The following PRKCZ variants were observed in gnomAD, a reference collection of about 807,000 sequenced individuals.
The protein encoded by PRKCZ is protein kinase C zeta type.
In PRKCZ, 33 loss-of-function variants were observed where a neutral mutation model predicts 79.5. The observed-to-expected ratio is 0.41, with a 90% CI of 0.31 to 0.55. The LOEUF (loss-of-function observed/expected upper bound fraction) is 0.55, where lower values mean the gene tolerates loss of function less well. Among genes scored for constraint, PRKCZ ranks in the 20% least tolerant of loss-of-function variants. PRKCZ has a pLI of 0.19. For missense variants in PRKCZ, 578 were observed against 813.5 expected (o/e 0.71, Z 3.52); for synonymous variants, 342 against 320.9 (o/e 1.07, Z -0.70).
rs548109459 is a variant in PRKCZ, at chr1:2,082,833, G to A, written c.334+23242G>A. Among the ~76,000 whole-genome samples, 2 of 152,030 alleles carry A rather than the reference G, an allele frequency of 1.3e-5. No homozygotes were observed. Among genetic ancestry groups the A allele is most frequent in the East Asian group, 3.9e-4 (2 of 5,154 alleles). ...ATGTAGTAGCAGGGAGAGGGTGGAG[G>A]GGCGGCCAAGGGCGTGAGGGAGAGG... On this transcript the variant is annotated intron_variant, in intron 4 of 17. Transcript: ENST00000378567. This position sits in a 1 kb window ranked among gnomAD's most constrained non-coding sequence, Gnocchi z 4.4.
At chr1:2,054,202 C>G (rs922482904) in intron 1 of PRKCZ, among the ~76,000 whole-genome samples, 1 of 152,216 alleles carries the variant, frequency 6.6e-6, no homozygotes, top group Non-Finnish European at 1.5e-5. Context: ...GAGCCTGTAT[C>G]TCTGGTTGGG....
intron 10 of PRKCZ, among the ~76,000 whole-genome samples, chr1:2,162,179 C>T (rs949212272): frequency 4.3e-4 from 66 of 152,042 alleles, no homozygotes; most frequent in African/African-American, 1.5e-3. Flanking sequence ...TCACCCAGGC[C>T]GGAGTGCAGT....
intron 1 of PRKCZ, among the ~76,000 whole-genome samples, chr1:2,053,313 C>A (rs181042816): frequency 1.6e-4 from 25 of 151,838 alleles, no homozygotes; most frequent in East Asian, 5.8e-4. Context: ...GTTGGCCAGG[C>A]TGGTCTCGAA....
rs145432271 is a variant in PRKCZ, at chr1:2,168,318, G to A, written c.975-1200G>A. 4.7e-4 allele frequency among the ~76,000 whole-genome samples: 71 copies of A among 152,274 alleles called. 1 individual carries two copies. The East Asian group carries it at 0.012, about 26-fold the overall frequency. ...AGCAGTGGACCAGCGAGTCCCCAAG[G>A]ACAAGGGCCAGGTTACCAGAGAATT... On this transcript the variant is annotated intron_variant, in intron 10 of 17. Transcript: ENST00000378567. This position sits in a 1 kb window ranked among gnomAD's most constrained non-coding sequence, Gnocchi z 4.7.
intron 4 of PRKCZ, among the ~76,000 whole-genome samples, chr1:2,089,059 A>T (rs1404521384): frequency 6.6e-6 from 1 of 152,256 alleles, no homozygotes; most frequent in Non-Finnish European, 1.5e-5. Flanking sequence ...TCATCAGCTA[A>T]TAATAGCAGT....
rs1382172183 is a variant in PRKCZ, at chr1:2,050,697, G to T, written c.67G>T (p.Gly23Trp). The T allele has an allele frequency of 4.9e-6, 6 of 1,224,382 alleles. No homozygotes were observed. The highest frequency in any genetic ancestry group is 8.2e-5 in the South Asian group (2 of 24,258). The allele number at this position is 1,224,382 out of a possible 1,614,324, so 75.8% of individuals were successfully genotyped here. Reference protein sequence around the residue: ...GGRVRLKAHYGGDIFITSVDA... With the variant: ...GGRVRLKAHYWGDIFITSVDA... ...CCGCGTCCGCCTCAAGGCGCATTAC[G>T]GGGGGTGAGCGGCGGAGAGGGCGGG... The change falls in exon 1 of 18, where the codon GGG (glycine) becomes TGG (tryptophan). Residue 23 changes from glycine to tryptophan, a missense_variant. Around this residue, in one of 4 missense-constraint regions of PRKCZ, gnomAD observed 228 missense variants for 211.6 expected, o/e 1.08. Transcript: ENST00000378567.
At chr1:2,150,018 TG>T (rs1181683655) in intron 8 of PRKCZ, among the ~76,000 whole-genome samples, 1 of 148,466 alleles carries the variant, frequency 6.7e-6, no homozygotes, top group Non-Finnish European at 1.5e-5. Context: ...AAAAAAAAGC[TG>T]GGCGTGGTGG....
At chr1:2,183,451 G>T (rs147440740) in intron 16 of PRKCZ, 1 of 152,326 alleles carries the variant, frequency 6.6e-6, no homozygotes, top group East Asian at 1.9e-4. Flanking sequence ...GTGGGTTAGC[G>T]AGGGAGTGAG....
chr1:2,150,191 C>T (rs932988670), intron 8 of PRKCZ, among the ~76,000 whole-genome samples: 7 of 151,412 alleles, frequency 4.6e-5, no homozygotes, highest in African/African-American at 1.7e-4. Context: ...AAGCAGAATC[C>T]ATTTTGCCGC....
At chr1:2,147,391 A>G (rs1036882002) in intron 7 of PRKCZ, among the ~76,000 whole-genome samples, 6 of 144,450 alleles carry the variant, frequency 4.2e-5, no homozygotes, top group African/African-American at 1.6e-4. Flanking sequence ...CTATCCATCT[A>G]TTGTTCACTG....
chr1:2,174,741 T>C lies in PRKCZ; in HGVS notation c.1406-13T>C, dbSNP rs1475047684. 1 of 1,613,412 alleles carries C rather than the reference T, an allele frequency of 6.2e-7. No homozygotes were observed. Among genetic ancestry groups the C allele is most frequent in the Admixed American group, 1.7e-5 (1 of 60,022 alleles). ...CAACACAGGCAAGTCCTCACCAGGCTCCGCCCTTGCAGTGATCCTGGAGAA... is the reference window on the plus strand; with the variant it reads ...CAACACAGGCAAGTCCTCACCAGGCCCCGCCCTTGCAGTGATCCTGGAGAA... On this transcript the variant is annotated splice_polypyrimidine_tract_variant and intron_variant, in intron 14 of 17. Transcript: ENST00000378567. This position sits in a 1 kb window ranked among gnomAD's most constrained non-coding sequence, Gnocchi z 6.2.
chr1:2,151,083 C>A, intron 9 of PRKCZ, 105 bp downstream of exon 9: 2 of 1,339,256 alleles, frequency 1.5e-6, no homozygotes, highest in Non-Finnish European at 2.0e-6. Context: ...CCTAGCCTCA[C>A]GTTGACGGAG....
At chr1:2,103,666 C>G (rs1316686727) in intron 4 of PRKCZ, among the ~76,000 whole-genome samples, 1 of 152,156 alleles carries the variant, frequency 6.6e-6, no homozygotes, top group Non-Finnish European at 1.5e-5. Context: ...CCCAGGAGGT[C>G]GAGGCTGCAG....
chr1:2,091,746 C>T (rs888252677), intron 4 of PRKCZ, among the ~76,000 whole-genome samples: 1 of 152,144 alleles, frequency 6.6e-6, no homozygotes, highest in Non-Finnish European at 1.5e-5. Context: ...TTGACCTGCA[C>T]GCACCGTGTG....
At position 2,127,734 on chromosome 1, in the gene PRKCZ, C is replaced by T. The variant is rs1304500389; in HGVS notation, c.335-7528C>T. On this transcript the variant is annotated intron_variant, in intron 4 of 17. Coordinates refer to ENST00000378567, the MANE Select transcript of PRKCZ (RefSeq NM_002744.6). The surrounding 1 kb of genome is among the most constrained non-coding windows in gnomAD (Gnocchi z 5.1). ...CTTTTTAGGACTCTGCGTTCGTGTT[C>T]TCCATTGTCCCTGGCAGCCCCTGGC... Among the ~76,000 whole-genome samples, 3 of 152,212 alleles carry T rather than the reference C, an allele frequency of 2.0e-5. No individual in the cohort carries two copies. The East Asian group carries it at 5.8e-4, about 29-fold the overall frequency.
chr1:2,106,518 A>G (rs113208018), intron 4 of PRKCZ, among the ~76,000 whole-genome samples: 941 of 68,346 alleles, frequency 0.014, 29 homozygotes, highest in African/African-American at 0.017. Flanking sequence ...ACTCTCAGCA[A>G]GCCCCTCTGG....
intron 4 of PRKCZ, among the ~76,000 whole-genome samples, chr1:2,096,496 C>T (rs993749928): frequency 2.0e-5 from 3 of 152,154 alleles, no homozygotes; most frequent in African/African-American, 7.2e-5. Context: ...TCTAACACAG[C>T]AGTGTGTAAA....
upstream of PRKCZ, chr1:2,049,929 G>C (rs1409779116): frequency 6.6e-6 from 1 of 152,350 alleles, no homozygotes. Context: ...GTGGGGGCTG[G>C]GGCCCAGAGA....
chr1:2,087,550 C>T (rs574657775), intron 4 of PRKCZ, among the ~76,000 whole-genome samples: 6 of 152,246 alleles, frequency 3.9e-5, no homozygotes, highest in East Asian at 1.9e-4. Context: ...CTACAACCTT[C>T]GCTCCCAAGG....
Sources: gnomAD v4.1 joint callset for allele counts (sites outside exome capture counted in the v4.1 genomes callset) on GRCh38, gnomAD v4.1.1 for gene constraint, gnomAD v4.1.1 regional missense constraint, Gnocchi (gnomAD v3.1) non-coding constraint, MANE v1.5 for transcripts, NCBI Gene and HGNC (gene_info 2026-07-23, HGNC 2026-07-21) for gene names.